The following FHIT variants were observed in gnomAD, a reference collection of about 807,000 sequenced individuals.
The protein encoded by FHIT is bis(5'-adenosyl)-triphosphatase.
Under a neutral mutation model 17.9 loss-of-function variants are expected in FHIT, and 19 were observed. The observed-to-expected ratio is 1.06, with a 90% CI of 0.74 to 1.56. FHIT has a LOEUF of 1.56. Among genes scored for constraint, FHIT ranks in the 40% most tolerant of loss-of-function variants. FHIT has a pLI of 0.00. For missense variants in FHIT, 248 were observed against 189.2 expected (o/e 1.31, Z -1.82); for synonymous variants, 81 against 69.7 (o/e 1.16, Z -0.81).
At chr3:61,101,386 T>C (rs1559982543) in intron 2 of FHIT, among the ~76,000 whole-genome samples, 1 of 152,220 alleles carries the variant, frequency 6.6e-6, no homozygotes, top group Non-Finnish European at 1.5e-5. Context: ...TGTGGTGTTA[T>C]TTCTGGGGCT....
intron 3 of FHIT, among the ~76,000 whole-genome samples, chr3:61,028,304 C>T (rs1246004068): frequency 6.6e-6 from 1 of 152,144 alleles, no homozygotes; most frequent in Non-Finnish European, 1.5e-5. Context: ...TAAGATATGG[C>T]TCCTTCCTGC....
chr3:60,997,519 T>C (rs2030759040), intron 3 of FHIT, among the ~76,000 whole-genome samples: 1 of 152,078 alleles, frequency 6.6e-6, no homozygotes. Flanking sequence ...GGGGTGTGGA[T>C]GGTGCACTTT....
intron 3 of FHIT, among the ~76,000 whole-genome samples, chr3:60,843,322 AC>A (rs1455992791): frequency 3.3e-5 from 5 of 152,108 alleles, no homozygotes; most frequent in Non-Finnish European, 7.3e-5. Flanking sequence ...TGAAATAAGT[AC>A]CTTATTATGT....
At chr3:60,323,105 G>A (rs1227698714) in intron 5 of FHIT, among the ~76,000 whole-genome samples, 2 of 151,818 alleles carry the variant, frequency 1.3e-5, no homozygotes, top group Admixed American at 1.3e-4. Flanking sequence ...CTACACAGAG[G>A]CAAAATATAT....
At chr3:60,355,961 T>A (rs893244184) in intron 5 of FHIT, among the ~76,000 whole-genome samples, 5 of 152,018 alleles carry the variant, frequency 3.3e-5, no homozygotes, top group Non-Finnish European at 7.4e-5. Flanking sequence ...ACACCCAAAC[T>A]CAAGAAGCGT....
intron 5 of FHIT, among the ~76,000 whole-genome samples, chr3:60,493,835 A>G (rs146283925): frequency 0.02 from 3,039 of 152,264 alleles, 39 homozygotes; most frequent in Middle Eastern, 0.051. Flanking sequence ...CTCATTTAAG[A>G]GCATAATGGA....
At chr3:59,834,563 G>A (rs146122198) in intron 8 of FHIT, among the ~76,000 whole-genome samples, 1 of 152,242 alleles carries the variant, frequency 6.6e-6, no homozygotes, top group African/African-American at 2.4e-5. Context: ...TCAGTTCCTG[G>A]TGAGAACCCT....
intron 5 of FHIT, among the ~76,000 whole-genome samples, chr3:60,524,784 T>A (rs914106968): frequency 6.6e-6 from 1 of 152,176 alleles, no homozygotes; most frequent in East Asian, 1.9e-4. Context: ...CTCACTCTTA[T>A]AAGGACACTG....
intron 5 of FHIT, among the ~76,000 whole-genome samples, chr3:60,343,204 A>G (rs1005423994): frequency 5.9e-5 from 9 of 152,150 alleles, no homozygotes; most frequent in Admixed American, 5.2e-4. Context: ...ACCAATACTA[A>G]TATTTTGGAG....
rs117405489 is a variant in FHIT, at chr3:60,301,305, C to T, written c.103+235555G>A. On this transcript the variant is annotated intron_variant, in intron 5 of 9. Coordinates refer to ENST00000492590, the MANE Select transcript of FHIT (RefSeq NM_002012.4). ...CATATAAACTAGAGATAGTGTGTTT[C>T]ACCATAGCCTTATGTACGTATTACT... 3.4e-3 allele frequency among the ~76,000 whole-genome samples: 514 copies of T among 152,260 alleles called. 12 individuals carry two copies. The South Asian group carries it at 0.051, about 15-fold the overall frequency.
At chr3:60,386,801 G>T (rs189987345) in intron 5 of FHIT, among the ~76,000 whole-genome samples, 2 of 152,152 alleles carry the variant, frequency 1.3e-5, no homozygotes, top group African/African-American at 4.8e-5. Flanking sequence ...ACGATATGTG[G>T]TAGGTGCTGA....
At chr3:60,084,334 T>C (rs181486657) in intron 5 of FHIT, among the ~76,000 whole-genome samples, 7 of 152,294 alleles carry the variant, frequency 4.6e-5, no homozygotes, top group Admixed American at 4.6e-4. Flanking sequence ...TGAAACACTT[T>C]TGTTAATCCA....
At position 59,777,927 on chromosome 3, in the gene FHIT, A is replaced by C. The variant is rs146483004; in HGVS notation, c.349-25606T>G. On this transcript the variant is annotated intron_variant, in intron 8 of 9. Coordinates refer to ENST00000492590, the MANE Select transcript of FHIT (RefSeq NM_002012.4). ...GCTTACAGCTTCTCATTTAGTTATC[A>C]GTTGAAATGTTACCTCCTTGGTGAG... 1.1e-3 allele frequency among the ~76,000 whole-genome samples: 170 copies of C among 152,334 alleles called. 3 individuals carry two copies. The East Asian group carries it at 0.021, about 19-fold the overall frequency.
chr3:60,087,560 C>T lies in FHIT; in HGVS notation c.104-73408G>A, dbSNP rs149647669. On this transcript the variant is annotated intron_variant, in intron 5 of 9. Coordinates refer to ENST00000492590, the MANE Select transcript of FHIT (RefSeq NM_002012.4). ...GCATAACCTGTTAAAAGTAGCCATG[C>T]CACTAACTGAGGTCTTTGCAGCCTA... Among the ~76,000 whole-genome samples, 4 of 152,294 alleles carry T rather than the reference C, an allele frequency of 2.6e-5. No homozygotes were observed. In the East Asian group the frequency reaches 5.8e-4, roughly 22 times the overall value.
intron 3 of FHIT, among the ~76,000 whole-genome samples, chr3:60,994,045 T>C (rs1276755526): frequency 6.6e-6 from 1 of 152,254 alleles, no homozygotes; most frequent in Non-Finnish European, 1.5e-5. Flanking sequence ...ATATGATTCT[T>C]TAATAATGTT....
chr3:60,506,583 T>C (rs991425103), intron 5 of FHIT, among the ~76,000 whole-genome samples: 2 of 152,182 alleles, frequency 1.3e-5, no homozygotes, highest in African/African-American at 2.4e-5. Context: ...GATTTCAAGA[T>C]GGTCATGTGA....
intron 3 of FHIT, among the ~76,000 whole-genome samples, chr3:60,979,465 G>T (rs944241009): frequency 6.6e-6 from 1 of 152,170 alleles, no homozygotes; most frequent in African/African-American, 2.4e-5. Flanking sequence ...TACTTTATTG[G>T]GTGTAGTAGA....
At chr3:60,344,934 C>G (rs1710701351) in intron 5 of FHIT, among the ~76,000 whole-genome samples, 1 of 152,128 alleles carries the variant, frequency 6.6e-6, no homozygotes, top group Admixed American at 6.6e-5. Context: ...TATACCTCCA[C>G]TATCACTCAC....
chr3:60,621,357 G>A (rs1392506977), intron 4 of FHIT, among the ~76,000 whole-genome samples: 1 of 151,540 alleles, frequency 6.6e-6, no homozygotes. Flanking sequence ...CATTACAATG[G>A]CCAGGCTGGT....
Sources: gnomAD v4.1 joint callset for allele counts (sites outside exome capture counted in the v4.1 genomes callset) on GRCh38, gnomAD v4.1.1 for gene constraint, MANE v1.5 for transcripts, NCBI Gene and HGNC (gene_info 2026-07-23, HGNC 2026-07-21) for gene names.